The following SCD5 variants were observed in gnomAD, a reference collection of about 807,000 sequenced individuals.
SCD5 encodes stearoyl-CoA desaturase 5, also known as acyl-CoA-desaturase 4.
In SCD5, 20 loss-of-function variants were observed where a neutral mutation model predicts 30.4. The observed-to-expected ratio is 0.66, with a 90% CI of 0.46 to 0.96. The LOEUF (loss-of-function observed/expected upper bound fraction) is 0.96. Among genes scored for constraint, SCD5 ranks in the 40% least tolerant of loss-of-function variants. SCD5 has a pLI of 0.00. For missense variants in SCD5, 381 were observed against 443.3 expected (o/e 0.86, Z 1.26); for synonymous variants, 173 against 176.4 (o/e 0.98, Z 0.16).
chr4:82,676,471 A>T lies in SCD5; in HGVS notation c.569+4236T>A, dbSNP rs867438973. On this transcript the variant is annotated intron_variant, in intron 3 of 4. Coordinates refer to ENST00000319540, the MANE Select transcript of SCD5 (RefSeq NM_001037582.3). ...TCCTTTTCCCCTTTTGCTCTGTCCC[A>T]TTAGGTGGATATCTGACCTCACACT... is the stretch of plus-strand genomic sequence containing the variant. Among the ~76,000 whole-genome samples, 3 of 152,198 alleles carry T rather than the reference A, an allele frequency of 2.0e-5. No homozygotes were observed. In the South Asian group the frequency reaches 6.2e-4, roughly 32 times the overall value.
chr4:82,643,731 A>G (rs899060290), intron 3 of SCD5, among the ~76,000 whole-genome samples: 2 of 152,214 alleles, frequency 1.3e-5, no homozygotes, highest in Non-Finnish European at 2.9e-5. Context: ...TGTATATTTC[A>G]CCACAATAAA....
intron 1 of SCD5, among the ~76,000 whole-genome samples, chr4:82,726,744 T>C (rs1720481266): frequency 6.6e-6 from 1 of 152,206 alleles, no homozygotes; most frequent in Non-Finnish European, 1.5e-5. Context: ...TGAAGTGTTC[T>C]ACACCCCCTG....
At chr4:82,690,733 A>G (rs1019294158) in intron 2 of SCD5, among the ~76,000 whole-genome samples, 9 of 152,166 alleles carry the variant, frequency 5.9e-5, no homozygotes, top group Admixed American at 3.9e-4. Context: ...TGAAAATCAG[A>G]CAGGTTTCTT....
intron 1 of SCD5, among the ~76,000 whole-genome samples, chr4:82,720,435 C>CAAAAAAAAAA (rs1720343333): frequency 7.0e-5 from 1 of 14,378 alleles, no homozygotes; most frequent in East Asian, 1.4e-3. Context: ...TCAAAAAAGG[C>CAAAAAAAAAA]AAAAATAAAA....
At chr4:82,682,138 G>A (rs530867009) in intron 2 of SCD5, among the ~76,000 whole-genome samples, 270 of 152,338 alleles carry the variant, frequency 1.8e-3, no homozygotes, top group Non-Finnish European at 2.7e-3. Flanking sequence ...AGCACTCACT[G>A]GAGCCCTGAG....
intron 1 of SCD5, among the ~76,000 whole-genome samples, chr4:82,780,217 C>T (rs955301307): frequency 6.6e-6 from 1 of 152,242 alleles, no homozygotes; most frequent in Non-Finnish European, 1.5e-5. Flanking sequence ...GTGTTTCTGC[C>T]TGGAGAACTC....
At chr4:82,680,644 C>T (rs1255017852) in intron 3 of SCD5, 63 bp downstream of exon 3, 2 of 1,474,436 alleles carry the variant, frequency 1.4e-6, no homozygotes, top group Non-Finnish European at 1.9e-6. Context: ...GAGTCCACCT[C>T]ATTGTGCTGT....
At chr4:82,790,351 A>G (rs1722075704) in intron 1 of SCD5, among the ~76,000 whole-genome samples, 1 of 152,226 alleles carries the variant, frequency 6.6e-6, no homozygotes. Context: ...ACCACTGAGC[A>G]GAGACCTCCA....
chr4:82,740,374 G>A (rs894805263), intron 1 of SCD5, among the ~76,000 whole-genome samples: 6 of 152,178 alleles, frequency 3.9e-5, no homozygotes, highest in Middle Eastern at 3.2e-3. Flanking sequence ...GGAGTGCAAG[G>A]TTTGTCCACT....
intron 1 of SCD5, among the ~76,000 whole-genome samples, chr4:82,752,273 T>TTATATATATATATATATA (rs139910934): frequency 2.1e-5 from 3 of 145,634 alleles, no homozygotes; most frequent in African/African-American, 7.6e-5. Context: ...TTTTAAAAAA[T>TTATATATATATATATATA]TATATATATA....
At chr4:82,661,933 T>TTC (rs1389646037) in intron 3 of SCD5, among the ~76,000 whole-genome samples, 1 of 152,230 alleles carries the variant, frequency 6.6e-6, no homozygotes, top group Non-Finnish European at 1.5e-5. Flanking sequence ...GGTGGCAGGG[T>TTC]TCTGGACAGG....
chr4:82,728,621 C>G (rs1028677660), intron 1 of SCD5, among the ~76,000 whole-genome samples: 1 of 152,170 alleles, frequency 6.6e-6, no homozygotes. Context: ...TGGCCCCACC[C>G]AGAGGCAGAC....
intron 3 of SCD5, among the ~76,000 whole-genome samples, chr4:82,676,171 T>A (rs1480820088): frequency 1.3e-5 from 2 of 152,116 alleles, no homozygotes; most frequent in African/African-American, 4.8e-5. Context: ...ACACTGAGAA[T>A]GAAAGTCCCC....
At chr4:82,767,156 C>T (rs1469100832) in intron 1 of SCD5, among the ~76,000 whole-genome samples, 5 of 152,122 alleles carry the variant, frequency 3.3e-5, no homozygotes, top group Non-Finnish European at 5.9e-5. Flanking sequence ...GGGCAGTTTT[C>T]TCACATGCAT....
intron 1 of SCD5, among the ~76,000 whole-genome samples, chr4:82,730,846 A>G (rs1720627765): frequency 6.6e-6 from 1 of 151,974 alleles, no homozygotes; most frequent in African/African-American, 2.4e-5. Context: ...GGCCTCCCAA[A>G]GTGCTGGGAT....
chr4:82,644,721 A>G (rs372889149), intron 3 of SCD5, among the ~76,000 whole-genome samples: 2 of 150,830 alleles, frequency 1.3e-5, no homozygotes, highest in South Asian at 2.1e-4. Context: ...CCCATGTAGG[A>G]TTGTGCACAT....
At chr4:82,742,648 A>G (rs57203441) in intron 1 of SCD5, among the ~76,000 whole-genome samples, 13,515 of 152,210 alleles carry the variant, frequency 0.089, 1,008 homozygotes, top group African/African-American at 0.2. Flanking sequence ...TTAGCTGGGC[A>G]TGGTGGCTCA....
chr4:82,709,844 T>C (rs545849148), intron 1 of SCD5, among the ~76,000 whole-genome samples: 1 of 152,244 alleles, frequency 6.6e-6, no homozygotes, highest in Non-Finnish European at 1.5e-5. Flanking sequence ...GGAACATCCC[T>C]GCCTAACAGA....
rs528491268 is a variant in SCD5, at chr4:82,715,777, A to G, written c.233-10364T>C. On this transcript the variant is annotated intron_variant, in intron 1 of 4. Coordinates refer to ENST00000319540, the MANE Select transcript of SCD5 (RefSeq NM_001037582.3). ...GTTAAGAACTCTTAGCTGTCATAGG[A>G]TGATGCTGACAGCCTAGCTCTTGAC... Among the ~76,000 whole-genome samples, 3 of 151,748 alleles carry G rather than the reference A, an allele frequency of 2.0e-5. No homozygotes were observed. The South Asian group carries it at 6.2e-4, about 31-fold the overall frequency.
Sources: allele counts gnomAD v4.1 joint callset (sites outside exome capture counted in the v4.1 genomes callset), GRCh38; gene constraint gnomAD v4.1.1; transcripts MANE v1.5; gene names NCBI Gene and HGNC (gene_info 2026-07-23, HGNC 2026-07-21).